Variants in TEX9 observed in about 807,000 individuals in gnomAD.
TEX9 encodes testis expressed 9, also known as testis-expressed protein 9.
Under a neutral mutation model 59.6 loss-of-function variants are expected in TEX9, and 74 were observed. The observed-to-expected ratio is 1.24, with a 90% CI of 1.03 to 1.51. The LOEUF is 1.51. Ranked by LOEUF, TEX9 falls within the 40% of genes most tolerant of loss-of-function variation. The probability of loss-of-function intolerance (pLI) is 0.00; values close to 1 mark genes in which losing one functional copy is unlikely to be tolerated. For missense variants in TEX9, 522 were observed against 447.8 expected, an observed-to-expected ratio of 1.17 and a Z score of -1.49; for synonymous variants, 186 against 152.2, an observed-to-expected ratio of 1.22 and a Z score of -1.64.
intron 12 of TEX9, among the ~76,000 whole-genome samples, chr15:56,439,933 A>C (rs2050791443): frequency 6.6e-6 from 1 of 152,150 alleles, no homozygotes; most frequent in South Asian, 2.1e-4. Flanking sequence ...TGCTCTAAGA[A>C]AAATCGTGCT....
intron 1 of TEX9, among the ~76,000 whole-genome samples, chr15:56,348,756 CT>C (rs1207540388): frequency 6.6e-6 from 1 of 152,036 alleles, no homozygotes; most frequent in Non-Finnish European, 1.5e-5. Context: ...GTTCACTTAG[CT>C]TCTTATTTCA....
At chr15:56,270,389 AC>A (rs2044498854) in intron 1 of TEX9, among the ~76,000 whole-genome samples, 1 of 151,962 alleles carries the variant, frequency 6.6e-6, no homozygotes, top group African/African-American at 2.4e-5. Flanking sequence ...TGATCCCTTT[AC>A]CATTATGTAA....
At chr15:56,439,512 G>C (rs2050783562) in intron 12 of TEX9, among the ~76,000 whole-genome samples, 1 of 152,036 alleles carries the variant, frequency 6.6e-6, no homozygotes, top group Non-Finnish European at 1.5e-5. Flanking sequence ...TTGGTGGAGG[G>C]ATGGATACAT....
At chr15:56,363,049 C>T (rs116352519), upstream of TEX9, among the ~76,000 whole-genome samples, 1,322 of 152,206 alleles carry the variant, frequency 8.7e-3, 22 homozygotes, top group African/African-American at 0.03. Context: ...ATAATCCTGA[C>T]ATAAACATTT....
the TEX9 span, among the ~76,000 whole-genome samples, chr15:56,460,003 A>ATAT: frequency 6.1e-5 from 2 of 32,856 alleles, no homozygotes; most frequent in African/African-American, 2.3e-4. Context: ...AAAAAAAAAA[A>ATAT]AAAAAAATAC....
At chr15:56,385,528 C>T (rs188322725) in intron 4 of TEX9, among the ~76,000 whole-genome samples, 38 of 152,164 alleles carry the variant, frequency 2.5e-4, no homozygotes, top group Non-Finnish European at 5.1e-4. Context: ...TCCTTAGAAG[C>T]TTGACAGTGT....
At chr15:56,265,243 G>A (rs974426160) in intron 1 of TEX9, among the ~76,000 whole-genome samples, 2 of 149,734 alleles carry the variant, frequency 1.3e-5, no homozygotes, top group Non-Finnish European at 3.0e-5. Context: ...ATAGCTTACT[G>A]TAACCTTGAA....
intron 1 of TEX9, among the ~76,000 whole-genome samples, chr15:56,339,383 C>CAAAAAAAAAAAAAAAAA (rs71456382): frequency 4.9e-4 from 15 of 30,764 alleles, no homozygotes; most frequent in African/African-American, 1.3e-3. Flanking sequence ...ACTCCTTCTC[C>CAAAAAAAAAAAAAAAAA]AAAAAAAAAA....
At chr15:56,302,618 AAAAG>A (rs1441068639) in intron 1 of TEX9, among the ~76,000 whole-genome samples, 3 of 152,192 alleles carry the variant, frequency 2.0e-5, no homozygotes, top group African/African-American at 7.2e-5. Flanking sequence ...CACCTTCACA[AAAAG>A]AAAGGAAGAA....
At chr15:56,345,895 G>A (rs954766229) in intron 1 of TEX9, among the ~76,000 whole-genome samples, 5 of 152,184 alleles carry the variant, frequency 3.3e-5, no homozygotes, top group Non-Finnish European at 7.3e-5. Context: ...ATGGATGTCC[G>A]TGGCTGGATT....
chr15:56,308,869 C>CT (rs1753661260), intron 1 of TEX9, among the ~76,000 whole-genome samples: 1 of 152,072 alleles, frequency 6.6e-6, no homozygotes, highest in Admixed American at 6.5e-5. Context: ...AGTAGAAGGA[C>CT]TTTTTTTCCT....
At chr15:56,246,041 C>G (rs775521795) in intron 1 of TEX9, among the ~76,000 whole-genome samples, 2 of 152,162 alleles carry the variant, frequency 1.3e-5, no homozygotes, top group African/African-American at 4.8e-5. Context: ...TATCTAAGGT[C>G]TGCCAAAGGC....
chr15:56,347,609 A>G (rs372973017), intron 1 of TEX9, among the ~76,000 whole-genome samples: 2 of 152,112 alleles, frequency 1.3e-5, no homozygotes, highest in African/African-American at 4.8e-5. Flanking sequence ...CTTTTACAAA[A>G]GTAATTCAAA....
At chr15:56,424,275 A>G (rs1286049228) in intron 10 of TEX9, among the ~76,000 whole-genome samples, 1 of 151,988 alleles carries the variant, frequency 6.6e-6, no homozygotes, top group Non-Finnish European at 1.5e-5. Context: ...TTTGACTTAA[A>G]GTCTATTTTG....
At chr15:56,390,473 C>T (rs74921448) in intron 6 of TEX9, among the ~76,000 whole-genome samples, 4,804 of 152,028 alleles carry the variant, frequency 0.032, 200 homozygotes, top group East Asian at 0.095. Context: ...TGTATACCTA[C>T]TGTGTACCCA....
At chr15:56,398,876 G>A (rs1357236308) in intron 9 of TEX9, among the ~76,000 whole-genome samples, 1 of 152,144 alleles carries the variant, frequency 6.6e-6, no homozygotes, top group Admixed American at 6.5e-5. Context: ...GTTGATGCCT[G>A]TAATCCCAGC....
At chr15:56,287,110 A>ATTG (rs1313800073) in intron 1 of TEX9, among the ~76,000 whole-genome samples, 8 of 152,200 alleles carry the variant, frequency 5.3e-5, no homozygotes, top group African/African-American at 1.9e-4. Context: ...TAAATGAAAT[A>ATTG]AACGTTATGT....
At chr15:56,318,350 C>T (rs1441664701) in intron 1 of TEX9, among the ~76,000 whole-genome samples, 1 of 152,032 alleles carries the variant, frequency 6.6e-6, no homozygotes, top group Non-Finnish European at 1.5e-5. Flanking sequence ...TGTTTGCATG[C>T]TATATGTTTT....
intron 1 of TEX9, among the ~76,000 whole-genome samples, chr15:56,279,981 A>G (rs1247667343): frequency 6.6e-6 from 1 of 152,238 alleles, no homozygotes; most frequent in African/African-American, 2.4e-5. Context: ...GCTTGCAATA[A>G]GCTGTAGCTC....
Sources: allele counts gnomAD v4.1 joint callset (sites outside exome capture counted in the v4.1 genomes callset), GRCh38; gene constraint gnomAD v4.1.1; transcripts MANE v1.5; gene names NCBI Gene and HGNC (gene_info 2026-07-23, HGNC 2026-07-21).